Variants in DNAH9 observed in about 807,000 individuals in gnomAD.
The protein encoded by DNAH9 is dynein axonemal heavy chain 9, also known as DNAH9 variant protein.
DNAH9 carries 345 observed loss-of-function variants against 471.6 expected under a neutral mutation model. That is an observed-to-expected ratio of 0.73 (90% CI 0.67 to 0.80). The LOEUF (loss-of-function observed/expected upper bound fraction) is 0.80. Ranked by LOEUF, DNAH9 falls within the 30% of genes least tolerant of loss-of-function variation. DNAH9 has a pLI of 0.00. For synonymous variants in DNAH9, 2,093 were observed against 2,123.6 expected (o/e 0.99, Z 0.40); for missense variants, 5,407 against 5,609.2 (o/e 0.96, Z 1.15).
Position 11,871,689 on chromosome 17 carries a change from T to G in DNAH9, c.10145T>G (p.Leu3382Arg). 6.2e-7 allele frequency: 1 copy of G among 1,614,220 alleles called. No homozygotes were observed. The highest frequency in any genetic ancestry group is 8.5e-7 in the Non-Finnish European group (1 of 1,180,046). The change falls in exon 52 of 69, where the codon CTT becomes CGT. Residue 3382 changes from leucine to arginine, a missense_variant. Physicochemically the swap from Leu to Arg is moderately radical, Grantham distance 102. Transcript: ENST00000262442. The stretch of plus-strand genomic sequence containing the variant: ...AGGACGTTATGTGGAGACATTTTAC[T>G]TATAACGGCTTTCATTTCCTACCTT... The part of the protein sequence containing the change: ...QERTLCGDIL[L>R]ITAFISYLGF...
chr17:11,858,710 G>T (rs1182935939), intron 50 of DNAH9, among the ~76,000 whole-genome samples: 1 of 152,158 alleles, frequency 6.6e-6, no homozygotes, highest in Admixed American at 6.5e-5. Context: ...AAGGCTATAA[G>T]TTGTCCATTT....
At chr17:11,830,609 T>A (rs4588020) in intron 48 of DNAH9, among the ~76,000 whole-genome samples, 48,759 of 151,834 alleles carry the variant, frequency 0.32, 8,022 homozygotes, top group East Asian at 0.44. Context: ...AAGGGACGGG[T>A]GGGAAAATAG....
At chr17:11,608,442 CA>C in intron 2 of DNAH9, 117 bp downstream of exon 2, 1 of 802,306 alleles carries the variant, frequency 1.2e-6, no homozygotes, top group Non-Finnish European at 2.0e-6. Context: ...GTTCTGCACA[CA>C]AGCCTACTGT....
chr17:11,679,565 G>T (rs115048559), intron 17 of DNAH9, among the ~76,000 whole-genome samples, 192 bp from the exon 18 acceptor site: 1 of 152,096 alleles, frequency 6.6e-6, no homozygotes, highest in Non-Finnish European at 1.5e-5. Flanking sequence ...TTTGCCATTC[G>T]TAACCTTAAC....
chr17:11,712,289 T>C (rs894753244), intron 26 of DNAH9, among the ~76,000 whole-genome samples: 6 of 150,352 alleles, frequency 4.0e-5, no homozygotes, highest in Non-Finnish European at 8.9e-5. Context: ...TTCTGAATAA[T>C]ATTCAATTTT....
chr17:11,807,087 T>C (rs541905837), intron 43 of DNAH9, among the ~76,000 whole-genome samples: 1 of 152,056 alleles, frequency 6.6e-6, no homozygotes, highest in African/African-American at 2.4e-5. Flanking sequence ...GCAGTAAGGC[T>C]GTGAAGGGAG....
At chr17:11,677,184 C>G (rs910211239) in intron 17 of DNAH9, among the ~76,000 whole-genome samples, 4 of 151,966 alleles carry the variant, frequency 2.6e-5, no homozygotes, top group African/African-American at 9.7e-5. Context: ...TCTACTGTAT[C>G]TTCACTGCCT....
At chr17:11,888,961 T>A (rs1035470946) in intron 57 of DNAH9, among the ~76,000 whole-genome samples, 3 of 152,140 alleles carry the variant, frequency 2.0e-5, no homozygotes, top group Non-Finnish European at 4.4e-5. Context: ...TGTGTTTGTG[T>A]GTGTGTTTAC....
At chr17:11,653,335 C>G (rs201488848) in intron 14 of DNAH9, among the ~76,000 whole-genome samples, 3 of 152,172 alleles carry the variant, frequency 2.0e-5, no homozygotes, top group Admixed American at 1.3e-4. Flanking sequence ...ATCCCCATCC[C>G]GGCTTGCCCA....
intron 61 of DNAH9, among the ~76,000 whole-genome samples, chr17:11,919,106 G>A (rs1176310851): frequency 2.0e-5 from 3 of 152,170 alleles, no homozygotes; most frequent in Non-Finnish European, 4.4e-5. Flanking sequence ...GCAGTGTACA[G>A]AAATGCAGAC....
At position 11,851,156 on chromosome 17, in the gene DNAH9, G is replaced by A. The variant is rs554081667; in HGVS notation, c.9508-2847G>A. ...ATGGAGTTTCATTCTTGTCACCCAG[G>A]CTGGAGTGCAATGGCATGATCTTGG... On this transcript the variant is annotated intron_variant, in intron 49 of 68. Transcript: ENST00000262442. 2.6e-4 allele frequency among the ~76,000 whole-genome samples: 40 copies of A among 151,700 alleles called. 1 individual carries two copies. In the South Asian group the frequency reaches 8.3e-3, roughly 31 times the overall value.
intron 20 of DNAH9, among the ~76,000 whole-genome samples, chr17:11,693,308 G>T (rs575985396): frequency 1.5e-5 from 2 of 130,334 alleles, no homozygotes; most frequent in East Asian, 4.6e-4. Flanking sequence ...ACAGTGGCAC[G>T]ATCTTGGCTC....
chr17:11,944,085 T>C (rs977576043), intron 67 of DNAH9, among the ~76,000 whole-genome samples: 2 of 152,234 alleles, frequency 1.3e-5, no homozygotes, highest in Non-Finnish European at 2.9e-5. Flanking sequence ...GTTGGTGTCA[T>C]GAATCTCGGA....
At chr17:11,656,768 G>A (rs913101080) in intron 14 of DNAH9, among the ~76,000 whole-genome samples, 25 of 152,038 alleles carry the variant, frequency 1.6e-4, no homozygotes, top group African/African-American at 5.6e-4. Flanking sequence ...ATTCTCCTGC[G>A]AGCCTCAATC....
intron 43 of DNAH9, among the ~76,000 whole-genome samples, chr17:11,806,839 A>G (rs546393271): frequency 1.3e-5 from 2 of 152,268 alleles, no homozygotes; most frequent in South Asian, 2.1e-4. Flanking sequence ...AAAGGAGAAA[A>G]TCAGGGTTCT....
intron 43 of DNAH9, among the ~76,000 whole-genome samples, chr17:11,799,065 A>T (rs1305833590): frequency 3.3e-5 from 5 of 151,550 alleles, no homozygotes; most frequent in Non-Finnish European, 7.4e-5. Flanking sequence ...GTCTCGACTC[A>T]CTCTTGGCAT....
intron 67 of DNAH9, among the ~76,000 whole-genome samples, chr17:11,959,226 A>G (rs1196238303): frequency 6.6e-5 from 10 of 152,168 alleles, no homozygotes; most frequent in Non-Finnish European, 1.3e-4. Context: ...CATCCTCATC[A>G]CTTTTGTTCA....
At chr17:11,741,653 A>C (rs2075434820) in intron 29 of DNAH9, among the ~76,000 whole-genome samples, 1 of 152,130 alleles carries the variant, frequency 6.6e-6, no homozygotes, top group African/African-American at 2.4e-5. Context: ...AGGCCTCATC[A>C]AGAGAAATTT....
At chr17:11,821,063 C>A (rs1326020019) in intron 45 of DNAH9, among the ~76,000 whole-genome samples, 5 of 152,098 alleles carry the variant, frequency 3.3e-5, no homozygotes, top group Non-Finnish European at 7.4e-5. Flanking sequence ...GGGTGGATCA[C>A]CTGAGGTCGG....
Sources: allele counts gnomAD v4.1 joint callset (sites outside exome capture counted in the v4.1 genomes callset), GRCh38; gene constraint gnomAD v4.1.1; transcripts MANE v1.5; gene names NCBI Gene and HGNC (gene_info 2026-07-23, HGNC 2026-07-21).